TP63: variants seen among roughly 807,000 people sequenced by gnomAD.
The protein encoded by TP63 is tumor protein 63.
Under a neutral mutation model 82.8 loss-of-function variants are expected in TP63, and 17 were observed. That is an observed-to-expected ratio of 0.21 (90% CI 0.14 to 0.31). The LOEUF is 0.31. TP63 is among the 10% of genes least tolerant of loss of function. The pLI, the probability that TP63 is intolerant of heterozygous loss-of-function variation, is 1.00. For synonymous variants in TP63, 330 were observed against 321.7 expected (o/e 1.03, Z -0.28); for missense variants, 648 against 895.3 (o/e 0.72, Z 3.52).
intron 3 of TP63, among the ~76,000 whole-genome samples, chr3:189,799,282 A>G (rs1726038181): frequency 6.6e-6 from 1 of 152,120 alleles, no homozygotes; most frequent in African/African-American, 2.4e-5. Context: ...ATTCTGGCTA[A>G]CTGGGCATAA....
rs1450734378 is a variant in TP63, at chr3:189,656,609, GTC to G, written c.62+25034_62+25035del. ...AAAAACAAAAGCTCAAATATAAGTT[GTC>G]TGTAAAAAACTCACTTTAAATACAA... On this transcript the variant is annotated intron_variant, in intron 1 of 13. Coordinates refer to ENST00000264731, the MANE Select transcript of TP63 (RefSeq NM_003722.5). Among the ~76,000 whole-genome samples the G allele has an allele frequency of 3.3e-5, 5 of 152,172 alleles. No individual in the cohort carries two copies. In the East Asian group the frequency reaches 9.7e-4, roughly 29 times the overall value.
At chr3:189,789,826 A>G (rs758213476) in intron 3 of TP63, 5 of 1,598,684 alleles carry the variant, frequency 3.1e-6, no homozygotes, top group Non-Finnish European at 2.6e-6. Flanking sequence ...AACAATGCCC[A>G]GACTCAATTT....
intron 4 of TP63, among the ~76,000 whole-genome samples, chr3:189,826,580 A>G (rs146511607): frequency 6.6e-6 from 1 of 152,238 alleles, no homozygotes; most frequent in African/African-American, 2.4e-5. Context: ...AGGATTGTTT[A>G]TCAGTAAGTT....
At chr3:189,839,900 G>A (rs1038973621) in intron 4 of TP63, among the ~76,000 whole-genome samples, 10 of 152,160 alleles carry the variant, frequency 6.6e-5, no homozygotes, top group Non-Finnish European at 1.5e-4. Flanking sequence ...CAAGGGTGCT[G>A]CAGTGAGGGG....
At chr3:189,686,269 A>G (rs1468667692) in intron 1 of TP63, among the ~76,000 whole-genome samples, 1 of 152,114 alleles carries the variant, frequency 6.6e-6, no homozygotes. Flanking sequence ...GACAAAACTT[A>G]TATTTTAGAT....
At chr3:189,815,863 T>C (rs1424604713) in intron 4 of TP63, among the ~76,000 whole-genome samples, 1 of 152,218 alleles carries the variant, frequency 6.6e-6, no homozygotes, top group Non-Finnish European at 1.5e-5. Context: ...GATTAATCTC[T>C]TGCTGCATTT....
chr3:189,602,447 C>T, the TP63 span, among the ~76,000 whole-genome samples: 1 of 152,014 alleles, frequency 6.6e-6, no homozygotes, highest in African/African-American at 2.4e-5. Context: ...AGTGCAGAGG[C>T]TAAGAAAGGA....
chr3:189,696,572 T>C (rs751237180), intron 1 of TP63, among the ~76,000 whole-genome samples: 10 of 152,118 alleles, frequency 6.6e-5, no homozygotes, highest in Non-Finnish European at 8.8e-5. Flanking sequence ...AGAAACATAA[T>C]TGGTGAATCT....
At chr3:189,867,428 A>G (rs978109310) in intron 6 of TP63, among the ~76,000 whole-genome samples, 1 of 152,214 alleles carries the variant, frequency 6.6e-6, no homozygotes, top group African/African-American at 2.4e-5. Flanking sequence ...TATATATTCA[A>G]ATCTATATTG....
At chr3:189,699,666 GT>G (rs1191175217) in intron 1 of TP63, among the ~76,000 whole-genome samples, 1 of 151,158 alleles carries the variant, frequency 6.6e-6, no homozygotes, top group Non-Finnish European at 1.5e-5. Context: ...TAGCATATTT[GT>G]TTTAAAAAAA....
At chr3:189,879,066 A>G (rs1515490) in intron 10 of TP63, among the ~76,000 whole-genome samples, 24,592 of 152,292 alleles carry the variant, frequency 0.16, 2,492 homozygotes, top group Non-Finnish European at 0.23. Context: ...CTCTCACCTC[A>G]TTGCAGAATC....
intron 3 of TP63, among the ~76,000 whole-genome samples, chr3:189,765,953 C>T (rs1722932917): frequency 1.3e-5 from 2 of 152,320 alleles, no homozygotes; most frequent in Middle Eastern, 3.4e-3. Flanking sequence ...AATCTCCATG[C>T]TCTTGCTTCT....
At chr3:189,848,824 C>T (rs576237151) in intron 4 of TP63, among the ~76,000 whole-genome samples, 3 of 152,250 alleles carry the variant, frequency 2.0e-5, no homozygotes, top group South Asian at 2.1e-4. Context: ...TGGACTTTGT[C>T]CAAGTTTCTT....
chr3:189,789,656 G>C, intron 3 of TP63: 2 of 1,440,396 alleles, frequency 1.4e-6, no homozygotes, highest in Admixed American at 6.5e-5. Flanking sequence ...CTTAAATTAT[G>C]TACAGAGAGA....
chr3:189,602,376 T>C, the TP63 span, among the ~76,000 whole-genome samples: 4 of 152,108 alleles, frequency 2.6e-5, no homozygotes, highest in African/African-American at 9.7e-5. Flanking sequence ...AGCCCAGACT[T>C]TCTGGGGTGA....
chr3:189,796,956 C>T (rs888810490), intron 3 of TP63, among the ~76,000 whole-genome samples: 1 of 152,028 alleles, frequency 6.6e-6, no homozygotes, highest in Admixed American at 6.6e-5. Flanking sequence ...GAGATGGCTT[C>T]ACCAGATAAT....
chr3:189,811,943 T>C (rs997260196), intron 4 of TP63, among the ~76,000 whole-genome samples: 3 of 152,244 alleles, frequency 2.0e-5, no homozygotes, highest in African/African-American at 7.2e-5. Flanking sequence ...TGTGCCTTAT[T>C]ATACAACACC....
At chr3:189,811,130 C>G (rs1377898756) in intron 4 of TP63, among the ~76,000 whole-genome samples, 1 of 152,164 alleles carries the variant, frequency 6.6e-6, no homozygotes, top group African/African-American at 2.4e-5. Flanking sequence ...GGATTATGGT[C>G]TTGATCATTT....
intron 1 of TP63, among the ~76,000 whole-genome samples, chr3:189,677,400 A>G (rs895549143): frequency 5.1e-5 from 7 of 137,926 alleles, no homozygotes; most frequent in African/African-American, 7.8e-5. Flanking sequence ...ATATGTGTGT[A>G]TATATATACA....
Sources: gnomAD v4.1 joint callset for allele counts (sites outside exome capture counted in the v4.1 genomes callset) on GRCh38, gnomAD v4.1.1 for gene constraint, MANE v1.5 for transcripts, NCBI Gene and HGNC (gene_info 2026-07-23, HGNC 2026-07-21) for gene names.